Variants in ATP13A5 observed in about 807,000 individuals in gnomAD.
ATP13A5 encodes the protein probable cation-transporting ATPase 13A5.
Under a neutral mutation model 150.2 loss-of-function variants are expected in ATP13A5, and 149 were observed. The observed-to-expected ratio is 0.99, with a 90% CI of 0.87 to 1.14. The LOEUF is 1.14. Among genes scored for constraint, ATP13A5 ranks in the 50% most tolerant of loss-of-function variants. The pLI is 0.00. For synonymous variants in ATP13A5, 497 were observed against 522.2 expected (o/e 0.95, Z 0.66); for missense variants, 1,383 against 1,449.3 (o/e 0.95, Z 0.74).
chr3:193,336,101 T>C (rs1054058962), intron 9 of ATP13A5, among the ~76,000 whole-genome samples: 2 of 152,228 alleles, frequency 1.3e-5, no homozygotes, highest in Admixed American at 6.5e-5. Context: ...AATAGTATTA[T>C]ATCAATCATA....
intron 12 of ATP13A5, among the ~76,000 whole-genome samples, chr3:193,328,961 G>A (rs1371583632): frequency 1.3e-5 from 2 of 152,158 alleles, no homozygotes; most frequent in Admixed American, 6.5e-5. Context: ...GTCACACAGA[G>A]ATGGGCCGGG....
chr3:193,352,381 A>C (rs1712596392), intron 6 of ATP13A5, among the ~76,000 whole-genome samples: 1 of 152,264 alleles, frequency 6.6e-6, no homozygotes, highest in Non-Finnish European at 1.5e-5. Flanking sequence ...AAACAAATCC[A>C]GTAGAATACT....
intron 27 of ATP13A5, 46 bp from the exon 28 acceptor site, chr3:193,279,500 C>A: frequency 6.6e-7 from 1 of 1,524,874 alleles, no homozygotes; most frequent in South Asian, 1.1e-5. Flanking sequence ...AAGAATGTTT[C>A]ATATAATTTG....
chr3:193,343,178 T>G (rs1712194283), intron 9 of ATP13A5, among the ~76,000 whole-genome samples: 3 of 152,158 alleles, frequency 2.0e-5, no homozygotes, highest in African/African-American at 7.2e-5. Context: ...AACTAAACAG[T>G]CTGTAAGCAT....
chr3:193,347,786 T>A (rs11919228), intron 7 of ATP13A5, among the ~76,000 whole-genome samples: 61,856 of 151,908 alleles, frequency 0.41, 12,897 homozygotes, highest in East Asian at 0.56. Flanking sequence ...CTAATCCTTC[T>A]CATAAAGGCC....
Position 193,362,450 on chromosome 3 carries a change from T to C in ATP13A5, c.467A>G (p.Asp156Gly). The C allele has an allele frequency of 1.9e-6, 3 of 1,614,156 alleles. No individual in the cohort carries two copies. Among genetic ancestry groups the C allele is most frequent in the Non-Finnish European group, 1.7e-6 (2 of 1,179,988 alleles). Residue 156 changes from aspartate to glycine, a missense_variant, in exon 5 of 30, where the codon GAC (aspartate) becomes GGC (glycine). Asp to Gly is a moderately conservative substitution (Grantham distance 94, BLOSUM62 -1). This residue lies in a region of ATP13A5 where 787 missense variants were observed against 771.9 expected (regional missense o/e 1.02). Transcript: ENST00000342358. Reference sequence around the variant, plus strand: ...ATGGATGTCAGAGCAGGAATTGCTGTCTTCTAGCAACCTAGGATGTATTCA... The same window carrying C: ...ATGGATGTCAGAGCAGGAATTGCTGCCTTCTAGCAACCTAGGATGTATTCA... Reference protein sequence around the residue: ...KRFQKVGLLEDSNSCSDIHQT... With the variant: ...KRFQKVGLLEGSNSCSDIHQT...
intron 1 of ATP13A5, among the ~76,000 whole-genome samples, chr3:193,373,207 C>T (rs1439546625): frequency 3.3e-5 from 5 of 152,114 alleles, no homozygotes; most frequent in African/African-American, 7.2e-5. Context: ...GGCGTGATCT[C>T]GGCTCACTGC....
chr3:193,321,825 C>A lies in ATP13A5; in HGVS notation c.1771G>T (p.Ala591Ser). 2 of 1,614,068 alleles carry A rather than the reference C, an allele frequency of 1.2e-6. No homozygotes were observed. The highest frequency in any genetic ancestry group is 1.1e-5 in the South Asian group (1 of 91,078). The part of the protein sequence containing the change: ...GPKASKSPVE[A>S]IITLCQFPFS... ...GGAAACTGGCACAAGGTGATGATGG[C>A]TTCCACTGGACTCTGCAAGCCCATC... The change falls in exon 16 of 30, where the codon GCC (alanine) becomes TCC (serine). Residue 591 changes from alanine (A) to serine (S), a missense_variant. Ala to Ser is a moderately conservative substitution (Grantham distance 99). Around this residue, in one of 3 missense-constraint regions of ATP13A5, gnomAD observed 787 missense variants for 771.9 expected, o/e 1.02. Transcript: ENST00000342358.
chr3:193,361,369 C>G (rs959942801), intron 5 of ATP13A5, among the ~76,000 whole-genome samples: 1 of 152,118 alleles, frequency 6.6e-6, no homozygotes, highest in Non-Finnish European at 1.5e-5. Context: ...AACTCTTAGA[C>G]TTGGTGTGTG....
rs1298880414 is a variant in ATP13A5 at position 193,325,014 on chromosome 3, G to C, written c.1524C>G (p.Cys508Trp). 2.5e-6 allele frequency: 4 copies of C among 1,610,044 alleles called. No individual in the cohort carries two copies. In the Admixed American group the frequency reaches 6.8e-5, roughly 27 times the overall value. The change falls in exon 14 of 30, where the codon TGC becomes TGG. Residue 508 changes from cysteine to tryptophan, a missense_variant and splice_region_variant. Physicochemically the swap from Cys to Trp is radical, Grantham distance 215 (BLOSUM62 -2). Around this residue, in one of 3 missense-constraint regions of ATP13A5, gnomAD observed 787 missense variants for 771.9 expected, o/e 1.02. Coordinates refer to ENST00000342358, the MANE Select transcript of ATP13A5 (RefSeq NM_198505.4). ...AGGCAAAGCTGTGGGCTTCCTGGAA[G>C]CTGGTAGAGAAGGTAATGTTAAAGT... is the stretch of plus-strand genomic sequence containing the variant. ...LWGTVPTADN[C>W]FQEAHSFASG...
chr3:193,308,385 G>T (rs1221915569), intron 21 of ATP13A5, among the ~76,000 whole-genome samples: 1 of 152,142 alleles, frequency 6.6e-6, no homozygotes, highest in East Asian at 1.9e-4. Context: ...CTTGAACCTT[G>T]GAAGCGGAGG....
In ATP13A5 at chr3:193,344,005, G is replaced by T; in HGVS notation, c.865C>A (p.Leu289Ile). Residue 289 changes from leucine to isoleucine, a missense_variant, in exon 9 of 30, where the codon CTT (leucine) becomes ATT (isoleucine). By Grantham distance (5) the Leu-to-Ile change is conservative. Transcript: ENST00000342358. ...RLLVPGDILI[L>I]PGKFSLPCDA... ...CATGGCAATGAAAATTTTCCTGGAA[G>T]AATAAGAATGTCTCCGGGAACCAAG... The T allele has an allele frequency of 6.2e-7, 1 of 1,613,414 alleles. No homozygotes were observed. The highest frequency in any genetic ancestry group is 8.5e-7 in the Non-Finnish European group (1 of 1,179,600).
intron 1 of ATP13A5, among the ~76,000 whole-genome samples, chr3:193,371,612 C>T (rs1489938): frequency 0.67 from 102,173 of 152,006 alleles, 34,921 homozygotes; most frequent in Non-Finnish European, 0.73. Flanking sequence ...AGATGGGGGG[C>T]CCCCATTCTC....
chr3:193,323,166 T>A (rs954757309), intron 14 of ATP13A5: 1 of 152,212 alleles, frequency 6.6e-6, no homozygotes, highest in African/African-American at 2.4e-5. Context: ...ATAGTAGAGG[T>A]CAGAAAACAG....
chr3:193,357,150 A>G (rs1342621710), intron 5 of ATP13A5, among the ~76,000 whole-genome samples: 1 of 152,200 alleles, frequency 6.6e-6, no homozygotes, highest in Non-Finnish European at 1.5e-5. Flanking sequence ...CTAAAAATCT[A>G]GCACTAGGGG....
Position 193,327,025 on chromosome 3 carries a change from G to GAGGTCC in ATP13A5, c.1488_1493dup (p.Asp497_Leu498dup), listed in dbSNP as rs762392694. The GAGGTCC allele has an allele frequency of 6.2e-7, 1 of 1,613,024 alleles. No homozygotes were observed. The highest frequency in any genetic ancestry group is 1.3e-5 in the African/African-American group (1 of 74,994). ...TGTCAGCAGTAGGGACAGTCCCCCAGAGGTCCAGCCCATCTTCAGTGAGAG... is the reference window on the plus strand; with the variant it reads ...TGTCAGCAGTAGGGACAGTCCCCCAGAGGTCCAGGTCCAGCCCATCTTCAGTGAGAG... On this transcript the variant is annotated inframe_insertion, in exon 13 of 30. Coordinates refer to ENST00000342358, the MANE Select transcript of ATP13A5 (RefSeq NM_198505.4).
chr3:193,285,016 A>C lies in ATP13A5; in HGVS notation c.3124T>G (p.Phe1042Val). ...ATGGGCCACAGTGTGGTGGTCTCAA[A>C]ACTTAAAATTGAACCAGGAATCAGA... Reference protein sequence around the residue: ...ATLIPGSILSFETTTLWPITT... With the variant: ...ATLIPGSILSVETTTLWPITT... The change falls in exon 27 of 30, where the codon TTT becomes GTT. Residue 1042 changes from phenylalanine to valine, a missense_variant. Coordinates refer to ENST00000342358, the MANE Select transcript of ATP13A5 (RefSeq NM_198505.4). The C allele has an allele frequency of 6.2e-7, 1 of 1,614,114 alleles. No homozygotes were observed. The highest frequency in any genetic ancestry group is 8.5e-7 in the Non-Finnish European group (1 of 1,179,986).
At chr3:193,317,459 C>T (rs1468083259) in intron 17 of ATP13A5, among the ~76,000 whole-genome samples, 2 of 152,162 alleles carry the variant, frequency 1.3e-5, no homozygotes, top group South Asian at 2.1e-4. Flanking sequence ...GTCTGACATA[C>T]AGTTAAGTTC....
chr3:193,348,489 T>A (rs1712438885), intron 7 of ATP13A5, among the ~76,000 whole-genome samples: 1 of 152,110 alleles, frequency 6.6e-6, no homozygotes, highest in South Asian at 2.1e-4. Context: ...CACATACAGT[T>A]CAATGCAAAT....
Sources: allele counts gnomAD v4.1 joint callset (sites outside exome capture counted in the v4.1 genomes callset), GRCh38; gene constraint gnomAD v4.1.1; regional missense constraint gnomAD v4.1.1; transcripts MANE v1.5; gene names NCBI Gene and HGNC (gene_info 2026-07-23, HGNC 2026-07-21).